The following RESF1 variants were observed in gnomAD, a reference collection of about 807,000 sequenced individuals.
RESF1 encodes the protein retroelement silencing factor 1.
RESF1 carries 65 observed loss-of-function variants against 134.7 expected under a neutral mutation model. The ratio of observed to expected loss-of-function variants is 0.48; its 90% CI spans 0.40 to 0.59. The LOEUF (loss-of-function observed/expected upper bound fraction) is 0.59. RESF1 is among the 20% of genes least tolerant of loss of function. The pLI, the probability that RESF1 is intolerant of heterozygous loss-of-function variation, is 0.00. For missense variants in RESF1, 2,274 were observed against 2,002.7 expected, an observed-to-expected ratio of 1.14 and a Z score of -2.59; for synonymous variants, 762 against 702.2, an observed-to-expected ratio of 1.09 and a Z score of -1.35.
At chr12:31,967,505 C>T (rs1479551466) in intron 2 of RESF1, among the ~76,000 whole-genome samples, 1 of 152,066 alleles carries the variant, frequency 6.6e-6, no homozygotes, top group Non-Finnish European at 1.5e-5. Context: ...GTTTTATAGA[C>T]ATGATGGGAT....
chr12:31,985,564 A>G lies in RESF1; in HGVS notation c.4609A>G (p.Lys1537Glu), dbSNP rs1394608110. ...AACATACAACATTCTAAGGAATGTT[A>G]AAGAAAAAGTTGGTGGGAAGCAGCC... ...SKTYNILRNV[K>E]EKVGGKQPDK... The change falls in exon 4 of 6, where the codon AAA (lysine) becomes GAA (glutamate). Residue 1537 changes from lysine (K) to glutamate (E), a missense_variant. Lys to Glu is a moderately conservative substitution (Grantham distance 56, BLOSUM62 1). Coordinates refer to ENST00000312561, the MANE Select transcript of RESF1 (RefSeq NM_018169.4). 3 of 1,598,078 alleles carry G rather than the reference A, an allele frequency of 1.9e-6. No individual in the cohort carries two copies. The highest frequency in any genetic ancestry group is 2.3e-5 in the South Asian group (2 of 87,696).
intron 2 of RESF1, among the ~76,000 whole-genome samples, chr12:31,968,952 C>T (rs1264832251): frequency 6.6e-6 from 1 of 152,034 alleles, no homozygotes; most frequent in African/African-American, 2.4e-5. Flanking sequence ...CTTTTCTTTC[C>T]CTTTTTTGAG....
chr12:31,977,760 C>G (rs1395071618), intron 3 of RESF1, among the ~76,000 whole-genome samples: 1 of 151,402 alleles, frequency 6.6e-6, no homozygotes, highest in Non-Finnish European at 1.5e-5. Context: ...TCAAAAAATC[C>G]ACTGGGATTG....
chr12:31,960,406 A>G (rs1421015280), intron 1 of RESF1, among the ~76,000 whole-genome samples: 1 of 152,138 alleles, frequency 6.6e-6, no homozygotes, highest in Non-Finnish European at 1.5e-5. Flanking sequence ...TGTTAGCTTT[A>G]ATCATGTTTC....
chr12:31,979,532 A>G (rs770201051), intron 3 of RESF1, among the ~76,000 whole-genome samples: 3 of 151,522 alleles, frequency 2.0e-5, no homozygotes, highest in African/African-American at 4.9e-5. Flanking sequence ...TCACATCTCA[A>G]TGTTCAAGAG....
At chr12:31,988,816 T>A (rs1940032205) in intron 5 of RESF1, among the ~76,000 whole-genome samples, 2 of 152,010 alleles carry the variant, frequency 1.3e-5, no homozygotes, top group Admixed American at 1.3e-4. Flanking sequence ...CTCAGCCTCC[T>A]GAGTAGCTGG....
chr12:31,974,658 G>A (rs183072268), intron 3 of RESF1, among the ~76,000 whole-genome samples: 1 of 152,168 alleles, frequency 6.6e-6, no homozygotes, highest in Admixed American at 6.5e-5. Flanking sequence ...ATACACTGAG[G>A]GTCAGGGCTT....
chr12:31,975,106 C>G (rs558530492), intron 3 of RESF1, among the ~76,000 whole-genome samples: 1 of 151,790 alleles, frequency 6.6e-6, no homozygotes, highest in Non-Finnish European at 1.5e-5. Context: ...AACCCCATCT[C>G]TAGCAAAAAT....
At position 31,981,188 on chromosome 12, in the gene RESF1, T is replaced by C. The variant is rs75434030; in HGVS notation, c.233T>C (p.Met78Thr). 1.5e-3 allele frequency: 2,432 copies of C among 1,614,072 alleles called. 32 individuals are homozygous for C. In the African/African-American group the frequency reaches 0.028, roughly 19 times the overall value. ...CCTCAACAAATTTCTGTTTCTGATA[T>C]GCATAATGGGACAGTTGTGGCCTCA... The part of the protein sequence containing the change: ...NYPQQISVSD[M>T]HNGTVVASHT... The change falls in exon 4 of 6, where the codon ATG (methionine) becomes ACG (threonine). Residue 78 changes from methionine to threonine, a missense_variant. Met to Thr is a moderately conservative substitution (Grantham distance 81). Transcript: ENST00000312561.
chr12:31,961,827 A>T (rs940161647), intron 2 of RESF1, among the ~76,000 whole-genome samples: 3 of 152,206 alleles, frequency 2.0e-5, no homozygotes, highest in Non-Finnish European at 4.4e-5. Context: ...GTTCTACATT[A>T]TCTCTGTGAT....
chr12:31,979,848 C>T (rs1424583436), intron 3 of RESF1, among the ~76,000 whole-genome samples: 3 of 150,956 alleles, frequency 2.0e-5, no homozygotes, highest in Non-Finnish European at 4.4e-5. Flanking sequence ...TGAGCCACCA[C>T]ACCCAGCCAA....
intron 3 of RESF1, among the ~76,000 whole-genome samples, chr12:31,971,582 C>A (rs1289082358): frequency 6.6e-6 from 1 of 152,198 alleles, no homozygotes. Flanking sequence ...CTGACATTCT[C>A]TGTCTTTTGG....
rs1939918201 is a variant in RESF1, at chr12:31,984,703, G to C, written c.3748G>C (p.Glu1250Gln). Residue 1250 changes from glutamate to glutamine, a missense_variant, in exon 4 of 6, where the codon GAA (glutamate) becomes CAA (glutamine). Coordinates refer to ENST00000312561, the MANE Select transcript of RESF1 (RefSeq NM_018169.4). ...TCCAGATGGGAAAAGTCATTTTCCTGAACTACAAGACGACAGTAGAAAAGA... is the reference window on the plus strand; with the variant it reads ...TCCAGATGGGAAAAGTCATTTTCCTCAACTACAAGACGACAGTAGAAAAGA... ...TPPDGKSHFP[E>Q]LQDDSRKDTP... 6.3e-7 allele frequency: 1 copy of C among 1,594,696 alleles called. No individual in the cohort carries two copies. Among genetic ancestry groups the C allele is most frequent in the African/African-American group, 1.4e-5 (1 of 73,328 alleles).
intron 5 of RESF1, among the ~76,000 whole-genome samples, chr12:31,990,362 C>T (rs774966164): frequency 5.3e-5 from 8 of 152,184 alleles, no homozygotes; most frequent in Non-Finnish European, 8.8e-5. Context: ...CATGGCACAA[C>T]AAGACGCAAA....
rs759514238 is a variant in RESF1 at position 31,992,480 on chromosome 12, A to G, written c.5189A>G (p.Lys1730Arg). ...KDSKEMFQTY[K>R]QMYLEKRSRS... ...TCAAAAGAAATGTTTCAAACCTACA[A>G]ACAGATGTACCTGGAGAAGAGAAGC... Residue 1730 changes from lysine to arginine, a missense_variant, in exon 6 of 6, where the codon AAA becomes AGA. Physicochemically the swap from Lys to Arg is conservative, Grantham distance 26. Coordinates refer to ENST00000312561, the MANE Select transcript of RESF1 (RefSeq NM_018169.4). 6 of 1,613,958 alleles carry G rather than the reference A, an allele frequency of 3.7e-6. No individual in the cohort carries two copies. In the East Asian group the frequency reaches 1.1e-4, roughly 30 times the overall value.
At chr12:31,968,622 G>A (rs1378596796) in intron 2 of RESF1, among the ~76,000 whole-genome samples, 1 of 151,824 alleles carries the variant, frequency 6.6e-6, no homozygotes, top group Admixed American at 6.6e-5. Flanking sequence ...CTAATTTTTT[G>A]TATTTTTAGT....
At chr12:31,977,122 T>C (rs953608536) in intron 3 of RESF1, among the ~76,000 whole-genome samples, 20 of 152,192 alleles carry the variant, frequency 1.3e-4, no homozygotes, top group African/African-American at 4.8e-4. Flanking sequence ...TGGACCTTTT[T>C]TCTTATTGTT....
chr12:31,967,110 A>G (rs1939414981), intron 2 of RESF1, among the ~76,000 whole-genome samples: 1 of 152,206 alleles, frequency 6.6e-6, no homozygotes, highest in South Asian at 2.1e-4. Flanking sequence ...CTTGGGGGGT[A>G]TACTTGCTGG....
rs1940125120 is a variant in RESF1 at position 31,992,829 on chromosome 12, A to T, written c.*294A>T. On this transcript the variant is annotated 3_prime_UTR_variant, in exon 6 of 6. Coordinates refer to ENST00000312561, the MANE Select transcript of RESF1 (RefSeq NM_018169.4). ...CTTATACAAATCAATTTGAAATTCT[A>T]CCCATCTTGAGGGAGGACCGTTCCT... 1 of 336,796 alleles carries T rather than the reference A, an allele frequency of 3.0e-6. No homozygotes were observed. 20.9% of individuals were successfully genotyped at this position (336,796 alleles called of 1,614,324 possible). A position where few individuals can be genotyped will look rare whatever the true frequency, so the allele number is the denominator to read the frequency against.
Sources: gnomAD v4.1 joint callset for allele counts (sites outside exome capture counted in the v4.1 genomes callset) on GRCh38, gnomAD v4.1.1 for gene constraint, MANE v1.5 for transcripts, NCBI Gene and HGNC (gene_info 2026-07-23, HGNC 2026-07-21) for gene names.